Variants in C13orf42 observed in about 807,000 individuals in gnomAD.
The protein encoded by C13orf42 is chromosome 13 open reading frame 42.
chr13:51,109,791 A>C (rs1394127457), intron 1 of C13orf42, among the ~76,000 whole-genome samples: 2 of 152,102 alleles, frequency 1.3e-5, no homozygotes, highest in Non-Finnish European at 2.9e-5. Context: ...GGAAAGAGTA[A>C]CTGAATGAAT....
At chr13:51,155,667 A>G (rs1566141186) in intron 1 of C13orf42, among the ~76,000 whole-genome samples, 1 of 152,186 alleles carries the variant, frequency 6.6e-6, no homozygotes, top group South Asian at 2.1e-4. Flanking sequence ...TTCCTTTCTC[A>G]GTATATTTCC....
chr13:51,120,403 T>C (rs1953524810), intron 1 of C13orf42, among the ~76,000 whole-genome samples: 1 of 152,172 alleles, frequency 6.6e-6, no homozygotes, highest in Non-Finnish European at 1.5e-5. Context: ...TATGAGAAGC[T>C]CCACCGGGGC....
intron 1 of C13orf42, among the ~76,000 whole-genome samples, chr13:51,169,748 G>A (rs1279986767): frequency 6.6e-6 from 1 of 152,202 alleles, no homozygotes; most frequent in Non-Finnish European, 1.5e-5. Context: ...CTTCCATGTG[G>A]TGTTAAGCCT....
intron 1 of C13orf42, among the ~76,000 whole-genome samples, chr13:51,098,978 G>A (rs1012295262): frequency 6.6e-6 from 1 of 152,154 alleles, no homozygotes; most frequent in Admixed American, 6.5e-5. Flanking sequence ...ACGTGGAATT[G>A]GTCCTGATTG....
chr13:51,107,705 A>G (rs1361526052), intron 1 of C13orf42, among the ~76,000 whole-genome samples: 1 of 152,246 alleles, frequency 6.6e-6, no homozygotes, highest in Non-Finnish European at 1.5e-5. Context: ...TAAAGCATCT[A>G]CAAATGATTG....
intron 3 of C13orf42, among the ~76,000 whole-genome samples, chr13:51,084,780 T>C (rs1316518553): frequency 6.6e-6 from 1 of 152,082 alleles, no homozygotes; most frequent in Non-Finnish European, 1.5e-5. Flanking sequence ...ATTTGACGGT[T>C]AGTGATGGTA....
chr13:51,149,312 G>GAAAAAAAAAAAAAAAAAA, intron 1 of C13orf42, among the ~76,000 whole-genome samples: 1 of 103,084 alleles, frequency 9.7e-6, no homozygotes, highest in Non-Finnish European at 1.9e-5. Context: ...GGCTGAAATT[G>GAAAAAAAAAAAAAAAAAA]AAAAAAAAAA....
At position 51,084,253 on chromosome 13, in the gene C13orf42, C is replaced by T. The variant is rs1224039855; in HGVS notation, c.876G>A (p.Ala292=). The T allele has an allele frequency of 1.0e-5, 4 of 398,566 alleles. No homozygotes were observed. Among genetic ancestry groups the T allele is most frequent in the Non-Finnish European group, 1.8e-5 (4 of 226,128 alleles). 24.7% of individuals were successfully genotyped at this position (398,566 alleles called of 1,614,324 possible). A position where few individuals can be genotyped will look rare whatever the true frequency, so the allele number is the denominator to read the frequency against. ...EDMEWDAELF[A]LEPQLSPGED... is the part of the protein sequence containing the mutation. ...CCCCAGGAGACAACTGGGGCTCCAA[C>T]GCAAAGAGCTCTGCATCCCACTCCA... The change falls in exon 4 of 4, where the codon GCG becomes GCA. Residue 292 remains alanine (A), a synonymous_variant. Coordinates refer to ENST00000563710, the MANE Select transcript of C13orf42 (RefSeq NM_001351589.3).
chr13:51,095,218 T>C (rs1805098120), intron 1 of C13orf42, among the ~76,000 whole-genome samples: 2 of 152,204 alleles, frequency 1.3e-5, no homozygotes, highest in South Asian at 4.1e-4. Context: ...TTTATTGTAA[T>C]TTTTATCTTA....
At chr13:51,135,301 C>A (rs1953649060) in intron 1 of C13orf42, among the ~76,000 whole-genome samples, 1 of 152,192 alleles carries the variant, frequency 6.6e-6, no homozygotes, top group African/African-American at 2.4e-5. Context: ...TAAGATGGAT[C>A]TGATACTCCC....
intron 1 of C13orf42, among the ~76,000 whole-genome samples, chr13:51,153,853 C>T (rs1417931631): frequency 6.6e-6 from 1 of 151,966 alleles, no homozygotes; most frequent in Admixed American, 6.5e-5. Flanking sequence ...AGGCGGGTCT[C>T]AGACTCCTGG....
intron 1 of C13orf42, among the ~76,000 whole-genome samples, chr13:51,123,514 G>A (rs1334837146): frequency 6.6e-6 from 1 of 152,224 alleles, no homozygotes; most frequent in Non-Finnish European, 1.5e-5. Context: ...TACAATCTTA[G>A]CATGTGCCTG....
rs192844247 is a variant in C13orf42, at chr13:51,093,635, C to T, written c.415-5560G>A. On this transcript the variant is annotated intron_variant, in intron 1 of 3. Transcript: ENST00000563710. Reference sequence around the variant, plus strand: ...CAGGAGGCACACAGTGCATATTTTCCTGTTTCGTGCGATGTTGACATCGAT... The same window carrying T: ...CAGGAGGCACACAGTGCATATTTTCTTGTTTCGTGCGATGTTGACATCGAT... Among the ~76,000 whole-genome samples, 149 of 152,182 alleles carry T rather than the reference C, an allele frequency of 9.8e-4. 1 individual carries two copies. The highest frequency in any genetic ancestry group is 2.9e-4 in the Non-Finnish European group (20 of 68,008).
chr13:51,134,886 C>T (rs1259748543), intron 1 of C13orf42, among the ~76,000 whole-genome samples: 7 of 152,236 alleles, frequency 4.6e-5, no homozygotes, highest in Non-Finnish European at 7.3e-5. Context: ...ACCTCCCGGC[C>T]TTCCCTCCTG....
chr13:51,130,238 G>C (rs553938417), intron 1 of C13orf42, among the ~76,000 whole-genome samples: 1 of 152,296 alleles, frequency 6.6e-6, no homozygotes, highest in Non-Finnish European at 1.5e-5. Flanking sequence ...CAGATATTAA[G>C]TTTGCTAAAT....
chr13:51,126,163 G>C (rs1436726958), intron 1 of C13orf42, among the ~76,000 whole-genome samples: 3 of 152,190 alleles, frequency 2.0e-5, no homozygotes, highest in Non-Finnish European at 4.4e-5. Context: ...TGTTTAACAT[G>C]CATTGAGCAC....
intron 1 of C13orf42, among the ~76,000 whole-genome samples, chr13:51,138,417 T>C (rs1953673024): frequency 6.6e-6 from 1 of 152,104 alleles, no homozygotes; most frequent in South Asian, 2.1e-4. Flanking sequence ...GCAAAGAACC[T>C]GGATAGACAT....
intron 1 of C13orf42, among the ~76,000 whole-genome samples, chr13:51,101,512 C>T (rs751146701): frequency 6.1e-4 from 92 of 151,918 alleles, no homozygotes; most frequent in Non-Finnish European, 1.1e-3. Flanking sequence ...TTCTATTCCA[C>T]TAAAAAAAAG....
At chr13:51,107,751 T>C (rs1017669158) in intron 1 of C13orf42, among the ~76,000 whole-genome samples, 1 of 152,074 alleles carries the variant, frequency 6.6e-6, no homozygotes, top group African/African-American at 2.4e-5. Context: ...GATAGAAAAA[T>C]GAGAAAGATA....
Sources: gnomAD v4.1 joint callset for allele counts (sites outside exome capture counted in the v4.1 genomes callset) on GRCh38, gnomAD v4.1.1 for gene constraint, MANE v1.5 for transcripts, NCBI Gene and HGNC (gene_info 2026-07-23, HGNC 2026-07-21) for gene names.